Variants in PISD observed in about 807,000 individuals in gnomAD.
PISD encodes phosphatidylserine decarboxylase proenzyme, mitochondrial.
In PISD, 31 loss-of-function variants were observed where a neutral mutation model predicts 43.5. The ratio of observed to expected loss-of-function variants is 0.71; its 90% CI spans 0.54 to 0.96. The LOEUF is 0.96. PISD is among the 40% of genes least tolerant of loss of function. The pLI is 0.00. For missense variants in PISD, 523 were observed against 548.4 expected, an observed-to-expected ratio of 0.95 and a Z score of 0.46; for synonymous variants, 259 against 228.7, an observed-to-expected ratio of 1.13 and a Z score of -1.20.
At chr22:31,633,588 G>A (rs1218783312) in intron 3 of PISD, among the ~76,000 whole-genome samples, 5 of 152,238 alleles carry the variant, frequency 3.3e-5, no homozygotes, top group African/African-American at 9.6e-5. Flanking sequence ...GGTGGCGGGC[G>A]CCTGTAGTCC....
At chr22:31,628,315 C>A (rs1257170026) in intron 3 of PISD, 2 of 407,308 alleles carry the variant, frequency 4.9e-6, no homozygotes, top group South Asian at 2.1e-4. Flanking sequence ...TATTTCAAAT[C>A]CTGGCTTGCC....
At chr22:31,628,528 G>A (rs2073028158) in intron 3 of PISD, among the ~76,000 whole-genome samples, 1 of 152,218 alleles carries the variant, frequency 6.6e-6, no homozygotes, top group Non-Finnish European at 1.5e-5. Flanking sequence ...GTGACCAATA[G>A]GACTTTAATG....
At chr22:31,648,069 G>A (rs987118322) in intron 3 of PISD, 32 bp downstream of exon 3, 19 of 1,573,204 alleles carry the variant, frequency 1.2e-5, no homozygotes, top group Admixed American at 3.7e-5. Flanking sequence ...TTTGCTGGAC[G>A]AGAACCCAAG....
intron 3 of PISD, among the ~76,000 whole-genome samples, chr22:31,637,148 AAAAAAAAAAAAAAAAAATAT>A: frequency 6.2e-5 from 1 of 16,182 alleles, no homozygotes; most frequent in Middle Eastern, 0.033. Context: ...TAAATTAAAA[AAAAAAAAAAAAAAAAAATAT>A]ATATATATAT....
intron 5 of PISD, 81 bp downstream of exon 5, chr22:31,621,253 T>A (rs1456318971): frequency 6.2e-7 from 1 of 1,610,106 alleles, no homozygotes; most frequent in Non-Finnish European, 8.5e-7. Flanking sequence ...CCAGCCTCAG[T>A]TCCTTCCCCA....
At position 31,630,649 on chromosome 22, in the gene PISD, G is replaced by A. The variant is rs1230043323; in HGVS notation, c.322-8764C>T. ...CCGCGGGGCTCCTCAGGCCGGGGCCGCGTCGTCACAGCTGGGAGAGCCCAC... is the reference window on the plus strand; with the variant it reads ...CCGCGGGGCTCCTCAGGCCGGGGCCACGTCGTCACAGCTGGGAGAGCCCAC... On this transcript the variant is annotated intron_variant, in intron 3 of 7. Transcript: ENST00000439502. This position sits in a 1 kb window ranked among gnomAD's most constrained non-coding sequence, Gnocchi z 4.4. 7.0e-6 allele frequency: 6 copies of A among 862,544 alleles called. No individual in the cohort carries two copies. The highest frequency in any genetic ancestry group is 1.8e-5 in the African/African-American group (1 of 54,922). 53.4% of individuals were successfully genotyped at this position (862,544 alleles called of 1,614,324 possible). A position where few individuals can be genotyped will look rare whatever the true frequency, so the allele number is the denominator to read the frequency against.
At chr22:31,642,380 G>A (rs556063425) in intron 3 of PISD, among the ~76,000 whole-genome samples, 4 of 151,286 alleles carry the variant, frequency 2.6e-5, no homozygotes, top group Admixed American at 2.0e-4. Flanking sequence ...GCTTAAACTC[G>A]GAAGGTTAAG....
At chr22:31,622,332 C>T (rs1051213944) in intron 3 of PISD, among the ~76,000 whole-genome samples, 1 of 152,210 alleles carries the variant, frequency 6.6e-6, no homozygotes. Context: ...GAGGAGGCTC[C>T]CAAGTGCATG....
intron 3 of PISD, chr22:31,629,132 C>G: frequency 1.0e-6 from 1 of 985,400 alleles, no homozygotes; most frequent in Non-Finnish European, 1.2e-6. Flanking sequence ...CAACACCTGC[C>G]CCCCCAGTGG....
At chr22:31,648,002 T>C in intron 3 of PISD, 99 bp downstream of exon 3, 1 of 1,046,304 alleles carries the variant, frequency 9.6e-7, no homozygotes, top group South Asian at 1.6e-5. Context: ...CAAGAAAGCA[T>C]ATTTGACTTG....
At chr22:31,661,228 G>T (rs1333027061) in intron 1 of PISD, among the ~76,000 whole-genome samples, 1 of 152,126 alleles carries the variant, frequency 6.6e-6, no homozygotes, top group Non-Finnish European at 1.5e-5. Flanking sequence ...GATGGTTTCT[G>T]TTCCCTCTCA....
In PISD at chr22:31,662,061, G is replaced by A. The variant is rs1295560663; in HGVS notation, c.65+83C>T. ...CCCGAGCTCGCCTCAGAGCGAGCCCGCGACACAGAAACATCTCTCTTCAGA... is the reference window on the plus strand; with the variant it reads ...CCCGAGCTCGCCTCAGAGCGAGCCCACGACACAGAAACATCTCTCTTCAGA... On this transcript the variant is annotated intron_variant, in intron 1 of 7. Transcript: ENST00000439502. The A allele has an allele frequency of 2.1e-5, 27 of 1,304,302 alleles. No homozygotes were observed. In the East Asian group the frequency reaches 6.1e-4, roughly 29 times the overall value. The allele number at this position is 1,304,302 out of a possible 1,614,324, so 80.8% of individuals were successfully genotyped here. A position where few individuals can be genotyped will look rare whatever the true frequency, so the allele number is the denominator to read the frequency against.
chr22:31,622,790 AG>A (rs1399830611), intron 3 of PISD, among the ~76,000 whole-genome samples: 2 of 152,318 alleles, frequency 1.3e-5, no homozygotes, highest in Admixed American at 1.3e-4. Context: ...CCAGGTACCC[AG>A]GAAGGGGCAG....
upstream of PISD, chr22:31,662,276 GT>G: frequency 6.7e-7 from 1 of 1,498,860 alleles, no homozygotes; most frequent in Non-Finnish European, 9.2e-7. Context: ...GGCGTCACGA[GT>G]CTCGAGTTCA....
At chr22:31,626,035 C>G in intron 3 of PISD, 2 of 1,430,424 alleles carry the variant, frequency 1.4e-6, no homozygotes, top group Non-Finnish European at 1.8e-6. Flanking sequence ...GACAGACAGG[C>G]ACTGGTCACA....
At chr22:31,659,547 T>A (rs1348904848) in intron 1 of PISD, among the ~76,000 whole-genome samples, 1 of 152,110 alleles carries the variant, frequency 6.6e-6, no homozygotes, top group Non-Finnish European at 1.5e-5. Context: ...GAGCCCCAAC[T>A]TATATCTACT....
upstream of PISD, chr22:31,662,320 G>A (rs558018569): frequency 6.5e-4 from 723 of 1,114,372 alleles, no homozygotes; most frequent in Middle Eastern, 3.9e-3. Flanking sequence ...GGTTGGGGGC[G>A]GAGCCGACTA....
intron 1 of PISD, among the ~76,000 whole-genome samples, chr22:31,655,329 T>TC (rs1556430102): frequency 1.1e-4 from 17 of 150,328 alleles, no homozygotes; most frequent in Admixed American, 2.0e-4. Context: ...TTTTTTTTTT[T>TC]CCCAGAGATG....
At chr22:31,658,473 G>A (rs1285006362) in intron 1 of PISD, among the ~76,000 whole-genome samples, 1 of 152,118 alleles carries the variant, frequency 6.6e-6, no homozygotes, top group Non-Finnish European at 1.5e-5. Flanking sequence ...ACACTGAGAT[G>A]GTCATATCAA....
Sources: allele counts gnomAD v4.1 joint callset (sites outside exome capture counted in the v4.1 genomes callset), GRCh38; gene constraint gnomAD v4.1.1; non-coding constraint Gnocchi (gnomAD v3.1); transcripts MANE v1.5; gene names NCBI Gene and HGNC (gene_info 2026-07-23, HGNC 2026-07-21).